NCKAP5: variants seen among roughly 807,000 people sequenced by gnomAD.
NCKAP5 encodes the protein NCK associated protein 5.
NCKAP5 carries 92 observed loss-of-function variants against 167.0 expected under a neutral mutation model. That is an observed-to-expected ratio of 0.55 (90% CI 0.47 to 0.66). The LOEUF is 0.66. NCKAP5 is among the 30% of genes least tolerant of loss of function. NCKAP5 has a pLI of 0.00. For missense variants in NCKAP5, 2,378 were observed against 2,315.0 expected (o/e 1.03, Z -0.56); for synonymous variants, 891 against 877.4 (o/e 1.02, Z -0.27).
chr2:133,579,262 C>A, the NCKAP5 span, among the ~76,000 whole-genome samples: 1 of 152,156 alleles, frequency 6.6e-6, no homozygotes, highest in Non-Finnish European at 1.5e-5. Flanking sequence ...TAAACTCTAG[C>A]AACTGTCTCT....
chr2:133,567,438 T>C (rs1688631392), intron 1 of NCKAP5, among the ~76,000 whole-genome samples: 3 of 152,196 alleles, frequency 2.0e-5, no homozygotes, highest in Admixed American at 6.5e-5. Context: ...TAAAGAGCCC[T>C]GAGGCAGGCA....
intron 6 of NCKAP5, among the ~76,000 whole-genome samples, chr2:133,042,679 A>C (rs2079255116): frequency 6.6e-6 from 1 of 152,190 alleles, no homozygotes; most frequent in African/African-American, 2.4e-5. Flanking sequence ...TGTGCTTTCT[A>C]AATTTCTCAT....
intron 8 of NCKAP5, among the ~76,000 whole-genome samples, chr2:132,880,024 G>C (rs1437757333): frequency 1.3e-5 from 2 of 152,178 alleles, no homozygotes; most frequent in Non-Finnish European, 2.9e-5. Context: ...TAGAAGTCAT[G>C]TTAAGTGAAA....
intron 3 of NCKAP5, among the ~76,000 whole-genome samples, chr2:133,470,886 C>T (rs995465488): frequency 2.0e-5 from 3 of 152,244 alleles, no homozygotes; most frequent in African/African-American, 7.2e-5. Flanking sequence ...ATGGTGCGCG[C>T]ACCCACTGAC....
Position 133,245,503 on chromosome 2 carries a change from A to G in NCKAP5, c.144-31724T>C, listed in dbSNP as rs115355323. On this transcript the variant is annotated intron_variant, in intron 4 of 19. Coordinates refer to ENST00000409261, the MANE Select transcript of NCKAP5 (RefSeq NM_207363.3). ...AGTATTTGTGCATGACAAACAAGGC[A>G]TGGAGTGAATTCTTGGATTCTTTTT... is the stretch of plus-strand genomic sequence containing the variant. 4.0e-3 allele frequency among the ~76,000 whole-genome samples: 613 copies of G among 152,324 alleles called. 4 individuals are homozygous for G. Among genetic ancestry groups the G allele is most frequent in the African/African-American group, 0.014 (578 of 41,576 alleles).
intron 19 of NCKAP5, among the ~76,000 whole-genome samples, chr2:132,718,386 G>A (rs1267407566): frequency 6.6e-6 from 1 of 152,220 alleles, no homozygotes; most frequent in Non-Finnish European, 1.5e-5. Context: ...CATAACGGGT[G>A]TGATGCACAC....
At chr2:133,133,362 A>G (rs1374013059) in intron 5 of NCKAP5, among the ~76,000 whole-genome samples, 2 of 152,208 alleles carry the variant, frequency 1.3e-5, no homozygotes, top group Non-Finnish European at 2.9e-5. Flanking sequence ...AAGCTCCTCA[A>G]TCACCACCTT....
chr2:133,667,165 G>C, the NCKAP5 span, among the ~76,000 whole-genome samples: 1 of 151,978 alleles, frequency 6.6e-6, no homozygotes, highest in Non-Finnish European at 1.5e-5. Flanking sequence ...GCTAATACCT[G>C]CTTCTCTTTG....
intron 13 of NCKAP5, 78 bp downstream of exon 13, chr2:132,789,944 AC>A (rs755958967): frequency 4.2e-6 from 6 of 1,415,110 alleles, no homozygotes; most frequent in Non-Finnish European, 5.7e-6. Context: ...TACCCCTCCC[AC>A]CTGCCCTTCA....
chr2:133,382,476 C>T (rs181919746), intron 3 of NCKAP5, among the ~76,000 whole-genome samples: 70 of 152,250 alleles, frequency 4.6e-4, no homozygotes, highest in Non-Finnish European at 9.3e-4. Flanking sequence ...AGGATCTGAC[C>T]GCTGTCTACG....
intron 7 of NCKAP5, among the ~76,000 whole-genome samples, chr2:132,969,810 A>G (rs1381729565): frequency 3.3e-5 from 5 of 152,218 alleles, no homozygotes; most frequent in Non-Finnish European, 7.3e-5. Context: ...CTGCTCACAG[A>G]CTAGTCACTG....
intron 5 of NCKAP5, among the ~76,000 whole-genome samples, chr2:133,167,737 A>G (rs6733792): frequency 0.14 from 21,518 of 152,132 alleles, 1,703 homozygotes; most frequent in East Asian, 0.39. Context: ...TCAAGTAACT[A>G]AGCCTCAGTT....
At chr2:133,600,340 G>C in the NCKAP5 span, among the ~76,000 whole-genome samples, 22 of 90,094 alleles carry the variant, frequency 2.4e-4, no homozygotes, top group Non-Finnish European at 3.2e-4. Context: ...AAACAAGGGA[G>C]AGAGAGAAGA....
chr2:132,844,705 C>T (rs2166744), intron 11 of NCKAP5, among the ~76,000 whole-genome samples: 90,658 of 151,928 alleles, frequency 0.6, 29,001 homozygotes, highest in East Asian at 0.89. Context: ...GCCATTTAGG[C>T]TGTTTCTATT....
chr2:133,130,952 G>A (rs1398635766), intron 5 of NCKAP5, among the ~76,000 whole-genome samples: 1 of 152,138 alleles, frequency 6.6e-6, no homozygotes, highest in African/African-American at 2.4e-5. Context: ...ACTCTATGAT[G>A]AAAACTATAC....
chr2:133,658,754 G>C, the NCKAP5 span, among the ~76,000 whole-genome samples: 2 of 152,098 alleles, frequency 1.3e-5, no homozygotes, highest in Admixed American at 1.3e-4. Context: ...CTGCTTCTGA[G>C]CCCCTGGGCT....
intron 3 of NCKAP5, among the ~76,000 whole-genome samples, chr2:133,323,914 G>T (rs1234009210): frequency 6.6e-6 from 1 of 152,032 alleles, no homozygotes; most frequent in Non-Finnish European, 1.5e-5. Flanking sequence ...TCTCACCCAG[G>T]GCCTGGCATC....
At chr2:133,083,032 C>T (rs567567614) in intron 6 of NCKAP5, among the ~76,000 whole-genome samples, 22 of 152,206 alleles carry the variant, frequency 1.4e-4, no homozygotes, top group Non-Finnish European at 1.5e-4. Context: ...GTTGGGACAA[C>T]GAGCATCTTG....
chr2:132,777,885 G>C (rs1682686529), intron 15 of NCKAP5, among the ~76,000 whole-genome samples: 1 of 151,964 alleles, frequency 6.6e-6, no homozygotes. Flanking sequence ...ACTGGGTAAA[G>C]AGAATACCCA....
Sources: allele counts gnomAD v4.1 joint callset (sites outside exome capture counted in the v4.1 genomes callset), GRCh38; gene constraint gnomAD v4.1.1; transcripts MANE v1.5; gene names NCBI Gene and HGNC (gene_info 2026-07-23, HGNC 2026-07-21).